MCTP1: variants seen among roughly 807,000 people sequenced by gnomAD.
MCTP1 encodes multiple C2 and transmembrane domain-containing protein 1.
In MCTP1, 69 loss-of-function variants were observed where a neutral mutation model predicts 120.6. The ratio of observed to expected loss-of-function variants is 0.57; its 90% confidence interval spans 0.47 to 0.70. The LOEUF (loss-of-function observed/expected upper bound fraction) is 0.70, where lower values mean the gene tolerates loss of function less well. MCTP1 is among the 30% of genes least tolerant of loss of function. The probability of loss-of-function intolerance (pLI) is 0.00; values close to 1 mark genes in which losing one functional copy is unlikely to be tolerated. For missense variants in MCTP1, 1,203 were observed against 1,248.8 expected (o/e 0.96, Z 0.55); for synonymous variants, 529 against 493.1 (o/e 1.07, Z -0.96).
intron 2 of MCTP1, among the ~76,000 whole-genome samples, chr5:94,981,770 G>A (rs1486654833): frequency 1.3e-5 from 2 of 152,152 alleles, no homozygotes; most frequent in Non-Finnish European, 2.9e-5. Flanking sequence ...AGCAGCAAGT[G>A]CAGAGGCCCT....
chr5:94,810,519 C>T (rs1443840717), intron 17 of MCTP1, among the ~76,000 whole-genome samples: 1 of 152,158 alleles, frequency 6.6e-6, no homozygotes, highest in East Asian at 1.9e-4. Flanking sequence ...GGATACCCAG[C>T]TATCTAACAA....
At position 95,176,552 on chromosome 5, in the gene MCTP1, T is replaced by C. The variant is rs575228329; in HGVS notation, c.720+107304A>G. Among the ~76,000 whole-genome samples the C allele has an allele frequency of 5.3e-5, 8 of 152,258 alleles. No individual in the cohort carries two copies. The East Asian group carries it at 1.2e-3, about 22-fold the overall frequency. ...ACAACAACAAAAACAGCAGTATTGA[T>C]ATAAAGTCTTTTTCTCCAATAAGTT... On this transcript the variant is annotated intron_variant, in intron 1 of 22. Transcript: ENST00000515393.
chr5:94,852,324 A>T (rs1439176822), intron 17 of MCTP1, among the ~76,000 whole-genome samples: 1 of 151,858 alleles, frequency 6.6e-6, no homozygotes, highest in African/African-American at 2.4e-5. Flanking sequence ...AAGGGTAAAA[A>T]GTTTTTTATA....
chr5:95,215,259 C>G (rs932874909), intron 1 of MCTP1, among the ~76,000 whole-genome samples: 6 of 152,302 alleles, frequency 3.9e-5, no homozygotes, highest in Non-Finnish European at 8.8e-5. Context: ...ATTCAATTAA[C>G]TGATTTCTTA....
chr5:94,923,895 G>A, intron 7 of MCTP1, 67 bp downstream of exon 7: 2 of 943,936 alleles, frequency 2.1e-6, no homozygotes, highest in Non-Finnish European at 3.2e-6. Context: ...TAGTTGCCAT[G>A]TAACTTTCAA....
intron 19 of MCTP1, among the ~76,000 whole-genome samples, chr5:94,759,553 C>T (rs1219821026): frequency 2.6e-5 from 4 of 152,186 alleles, no homozygotes; most frequent in East Asian, 1.9e-4. Context: ...AACATCCCTA[C>T]GACATCTTAC....
chr5:94,857,658 T>C (rs1181866753), intron 17 of MCTP1, among the ~76,000 whole-genome samples: 2 of 151,752 alleles, frequency 1.3e-5, no homozygotes, highest in Non-Finnish European at 3.0e-5. Flanking sequence ...CCAAATATTA[T>C]TCAAGTCTAA....
intron 1 of MCTP1, among the ~76,000 whole-genome samples, chr5:95,266,387 A>G (rs1311751271): frequency 6.6e-6 from 1 of 152,224 alleles, no homozygotes; most frequent in Non-Finnish European, 1.5e-5. Context: ...AGAATGCACA[A>G]TTCTGGTTTT....
At chr5:94,739,646 G>C (rs773211700) in intron 19 of MCTP1, among the ~76,000 whole-genome samples, 1 of 152,046 alleles carries the variant, frequency 6.6e-6, no homozygotes, top group African/African-American at 2.4e-5. Context: ...TTGGAATAAG[G>C]TTTAAGGTAG....
At chr5:95,168,685 G>A (rs529952569) in intron 1 of MCTP1, among the ~76,000 whole-genome samples, 33 of 152,292 alleles carry the variant, frequency 2.2e-4, no homozygotes, top group Admixed American at 2.1e-3. Context: ...GTTCACTAGT[G>A]ATTTGGCTCT....
intron 1 of MCTP1, among the ~76,000 whole-genome samples, chr5:95,119,111 C>G (rs1295902166): frequency 6.6e-6 from 1 of 152,182 alleles, no homozygotes; most frequent in Non-Finnish European, 1.5e-5. Context: ...ATGGATCATT[C>G]TCAAAGACAG....
intron 12 of MCTP1, among the ~76,000 whole-genome samples, chr5:94,885,215 G>C (rs1009612565): frequency 6.6e-6 from 1 of 151,836 alleles, no homozygotes; most frequent in African/African-American, 2.4e-5. Context: ...TCTTTTGAAG[G>C]GTTTCACAGT....
rs749076442 is a variant in MCTP1 at position 95,253,377 on chromosome 5, C to T, written c.720+30479G>A. On this transcript the variant is annotated intron_variant, in intron 1 of 22. Transcript: ENST00000515393. ...CCTGGTATAATTTGATCTCTGATTA[C>T]AAGAAGTTTAATAATTCCATTCAAA... is the stretch of plus-strand genomic sequence containing the variant. 9.6e-4 allele frequency among the ~76,000 whole-genome samples: 146 copies of T among 152,052 alleles called. 1 individual carries two copies. The highest frequency in any genetic ancestry group is 1.5e-3 in the Non-Finnish European group (99 of 67,946).
intron 1 of MCTP1, among the ~76,000 whole-genome samples, chr5:95,152,377 T>C (rs1179476744): frequency 6.6e-6 from 1 of 152,240 alleles, no homozygotes; most frequent in Non-Finnish European, 1.5e-5. Flanking sequence ...AAGAAATGCA[T>C]TCTATGTGTA....
At chr5:95,171,094 A>G (rs1747216134) in intron 1 of MCTP1, among the ~76,000 whole-genome samples, 1 of 152,006 alleles carries the variant, frequency 6.6e-6, no homozygotes, top group South Asian at 2.1e-4. Flanking sequence ...GAGCTCTTGT[A>G]GGGCAGGCCT....
intron 1 of MCTP1, among the ~76,000 whole-genome samples, chr5:95,084,539 T>G (rs1289477489): frequency 6.6e-6 from 1 of 151,190 alleles, no homozygotes; most frequent in Non-Finnish European, 1.5e-5. Context: ...TTTGGGTGTT[T>G]TTTTTTTTTT....
At chr5:95,015,077 T>A (rs948906112) in intron 2 of MCTP1, among the ~76,000 whole-genome samples, 1 of 152,162 alleles carries the variant, frequency 6.6e-6, no homozygotes, top group Non-Finnish European at 1.5e-5. Context: ...TTTTTAGACA[T>A]GCTTTTTTAT....
intron 1 of MCTP1, among the ~76,000 whole-genome samples, chr5:95,058,217 G>A (rs1459655089): frequency 1.3e-5 from 2 of 152,120 alleles, no homozygotes; most frequent in Non-Finnish European, 2.9e-5. Context: ...TTGATTCTTG[G>A]AACAAAGCTA....
chr5:95,066,342 G>C (rs1387515266), intron 1 of MCTP1, among the ~76,000 whole-genome samples: 1 of 152,128 alleles, frequency 6.6e-6, no homozygotes, highest in Non-Finnish European at 1.5e-5. Flanking sequence ...AAAAAGACAA[G>C]AGATAACTAG....
Sources: gnomAD v4.1 joint callset for allele counts (sites outside exome capture counted in the v4.1 genomes callset) on GRCh38, gnomAD v4.1.1 for gene constraint, MANE v1.5 for transcripts, NCBI Gene and HGNC (gene_info 2026-07-23, HGNC 2026-07-21) for gene names.